The following OMA1 variants were observed in gnomAD, a reference collection of about 807,000 sequenced individuals.
The protein encoded by OMA1 is OMA1 zinc metallopeptidase, also known as metalloendopeptidase OMA1, mitochondrial.
OMA1 carries 38 observed loss-of-function variants against 30.9 expected under a neutral mutation model. The ratio of observed to expected loss-of-function variants is 1.23; its 90% confidence interval spans 0.95 to 1.61. The LOEUF is 1.61. Among genes scored for constraint, OMA1 ranks in the 40% most tolerant of loss-of-function variants. The pLI, the probability that OMA1 is intolerant of heterozygous loss-of-function variation, is 0.00. For missense variants in OMA1, 461 were observed against 349.2 expected (o/e 1.32, Z -2.55); for synonymous variants, 173 against 121.9 (o/e 1.42, Z -2.76).
At chr1:58,489,373 A>C (rs1645635128) in intron 8 of OMA1, among the ~76,000 whole-genome samples, 2 of 152,184 alleles carry the variant, frequency 1.3e-5, no homozygotes. Context: ...ATCAAACTGC[A>C]AGGTGGCAGC....
chr1:58,481,457 A>T (rs1645481043), intron 8 of OMA1, among the ~76,000 whole-genome samples: 1 of 152,208 alleles, frequency 6.6e-6, no homozygotes, highest in Non-Finnish European at 1.5e-5. Flanking sequence ...AACAAATCTT[A>T]GAGATACATC....
At chr1:58,502,152 A>C (rs371245218) in intron 8 of OMA1, among the ~76,000 whole-genome samples, 1 of 152,236 alleles carries the variant, frequency 6.6e-6, no homozygotes, top group Non-Finnish European at 1.5e-5. Context: ...GATGATATGC[A>C]AGGGATCCAA....
chr1:58,536,661 T>A lies in OMA1; in HGVS notation c.581A>T (p.Lys194Met). 6 of 872,840 alleles carry A rather than the reference T, an allele frequency of 6.9e-6. No homozygotes were observed. The highest frequency in any genetic ancestry group is 1.2e-5 in the Non-Finnish European group (6 of 501,612). The allele number at this position is 872,840 out of a possible 1,614,324, so 54.1% of individuals were successfully genotyped here. Residue 194 changes from lysine to methionine, a missense_variant, in exon 3 of 9, where the codon AAG becomes ATG. Lys to Met is a moderately conservative substitution (Grantham distance 95, BLOSUM62 -1). Transcript: ENST00000371226. The part of the protein sequence containing the change: ...VKENIRKNKW[K>M]LFLGLSSFGL... The stretch of plus-strand genomic sequence containing the variant: ...AAAACTACTCAAACCAAGGAATAGC[T>A]TCCATTTATTCTTCCTTATATTTTC...
chr1:58,520,162 G>A (rs1254518882), intron 7 of OMA1, among the ~76,000 whole-genome samples: 2 of 152,086 alleles, frequency 1.3e-5, no homozygotes, highest in African/African-American at 4.8e-5. Context: ...TCACTACCTC[G>A]GGGAGAGGAT....
chr1:58,494,418 G>C (rs1259155206), intron 8 of OMA1, among the ~76,000 whole-genome samples: 1 of 152,046 alleles, frequency 6.6e-6, no homozygotes, highest in Admixed American at 6.6e-5. Flanking sequence ...ATTGATAAAT[G>C]GGATCTAATT....
intron 8 of OMA1, among the ~76,000 whole-genome samples, chr1:58,491,557 A>G (rs944005622): frequency 1.2e-4 from 18 of 152,240 alleles, no homozygotes; most frequent in African/African-American, 4.1e-4. Context: ...TCAAAATAAA[A>G]GGATGGAGGA....
At chr1:58,496,263 C>T (rs1645800820) in intron 8 of OMA1, among the ~76,000 whole-genome samples, 1 of 151,898 alleles carries the variant, frequency 6.6e-6, no homozygotes, top group South Asian at 2.1e-4. Flanking sequence ...ATCAATTCTG[C>T]TCTTTACAGC....
At chr1:58,543,736 G>A (rs576719860) in intron 1 of OMA1, among the ~76,000 whole-genome samples, 20 of 152,248 alleles carry the variant, frequency 1.3e-4, no homozygotes, top group Admixed American at 9.8e-4. Flanking sequence ...CTCTGGCAAA[G>A]GGATATACAA....
intron 8 of OMA1, among the ~76,000 whole-genome samples, chr1:58,492,224 A>G (rs1645708204): frequency 6.6e-6 from 1 of 152,224 alleles, no homozygotes; most frequent in African/African-American, 2.4e-5. Context: ...AACGAGAACA[A>G]AGACACAACA....
At chr1:58,490,925 C>T (rs1304435835) in intron 8 of OMA1, among the ~76,000 whole-genome samples, 2 of 148,366 alleles carry the variant, frequency 1.3e-5, no homozygotes, top group Non-Finnish European at 3.0e-5. Flanking sequence ...CCTGCCTCAG[C>T]CTTCCGAGTA....
chr1:58,499,560 T>C (rs916980691), intron 8 of OMA1, among the ~76,000 whole-genome samples: 2 of 149,608 alleles, frequency 1.3e-5, no homozygotes, highest in East Asian at 2.0e-4. Flanking sequence ...TCAGGAAAAG[T>C]AGCTTCTGGA....
intron 1 of OMA1, among the ~76,000 whole-genome samples, chr1:58,541,945 A>G (rs1275961305): frequency 6.6e-6 from 1 of 152,194 alleles, no homozygotes; most frequent in South Asian, 2.1e-4. Flanking sequence ...TCTTCATATA[A>G]AAGTTGGGGA....
intron 6 of OMA1, among the ~76,000 whole-genome samples, chr1:58,530,090 C>G (rs1013506607): frequency 1.3e-5 from 2 of 152,114 alleles, no homozygotes; most frequent in Admixed American, 6.5e-5. Flanking sequence ...ACCACGTTAG[C>G]CAGGATGGTC....
intron 7 of OMA1, among the ~76,000 whole-genome samples, chr1:58,511,480 T>C (rs987609966): frequency 2.0e-5 from 3 of 152,072 alleles, no homozygotes; most frequent in Non-Finnish European, 4.4e-5. Context: ...AAACCATCTC[T>C]ACAAAAAATT....
At chr1:58,524,750 C>T (rs921271036) in intron 7 of OMA1, among the ~76,000 whole-genome samples, 2 of 152,174 alleles carry the variant, frequency 1.3e-5, no homozygotes, top group Non-Finnish European at 2.9e-5. Context: ...TTCCTGGGAA[C>T]ATTTCCAGTA....
chr1:58,499,218 C>A (rs1192056000), intron 8 of OMA1, among the ~76,000 whole-genome samples: 2 of 149,622 alleles, frequency 1.3e-5, no homozygotes, highest in Non-Finnish European at 3.0e-5. Flanking sequence ...ATAATGATTA[C>A]CACAGGCTGG....
At chr1:58,529,151 A>C (rs955985639) in intron 6 of OMA1, among the ~76,000 whole-genome samples, 11 of 152,204 alleles carry the variant, frequency 7.2e-5, no homozygotes, top group Admixed American at 4.6e-4. Context: ...CCTTTACTTC[A>C]ATATAAATGA....
At chr1:58,535,661 T>C (rs1646505497) in intron 3 of OMA1, among the ~76,000 whole-genome samples, 3 of 150,648 alleles carry the variant, frequency 2.0e-5, no homozygotes, top group African/African-American at 7.3e-5. Flanking sequence ...TGGACATGAA[T>C]TCGAAAAATA....
chr1:58,542,212 T>C (rs992419900), intron 1 of OMA1, among the ~76,000 whole-genome samples: 4 of 152,258 alleles, frequency 2.6e-5, no homozygotes, highest in Non-Finnish European at 5.9e-5. Context: ...TCCAGGCTGA[T>C]ATATAATAGT....
Sources: gnomAD v4.1 joint callset for allele counts (sites outside exome capture counted in the v4.1 genomes callset) on GRCh38, gnomAD v4.1.1 for gene constraint, MANE v1.5 for transcripts, NCBI Gene and HGNC (gene_info 2026-07-23, HGNC 2026-07-21) for gene names.